Variants in ZNF114 observed in about 807,000 individuals in gnomAD.
ZNF114 encodes zinc finger protein 114 (Y18).
ZNF114 carries 8 observed loss-of-function variants against 6.8 expected under a neutral mutation model. The observed-to-expected ratio is 1.18, with a 90% CI of 0.69 to 2.13. The LOEUF is 2.13. Among genes scored for constraint, ZNF114 ranks in the 30% most tolerant of loss-of-function variants. The pLI, the probability that ZNF114 is intolerant of heterozygous loss-of-function variation, is 0.00. For missense variants in ZNF114, 472 were observed against 519.5 expected (o/e 0.91, Z 0.89); for synonymous variants, 169 against 185.5 (o/e 0.91, Z 0.72).
chr19:48,273,102 G>C (rs1038160537), intron 3 of ZNF114, among the ~76,000 whole-genome samples: 12 of 152,190 alleles, frequency 7.9e-5, no homozygotes, highest in African/African-American at 2.7e-4. Context: ...GCCAGATAAA[G>C]AGCTTTGAGG....
At chr19:48,272,921 A>G (rs1449834965) in intron 3 of ZNF114, among the ~76,000 whole-genome samples, 21 of 149,406 alleles carry the variant, frequency 1.4e-4, no homozygotes, top group African/African-American at 4.4e-4. Context: ...TCAGCCTCTC[A>G]AGTAGCTGGG....
intron 4 of ZNF114, among the ~76,000 whole-genome samples, chr19:48,281,955 G>A (rs886679903): frequency 7.2e-6 from 1 of 138,454 alleles, no homozygotes; most frequent in Non-Finnish European, 1.5e-5. Context: ...GGAGTGCAGT[G>A]GTGTGATCTC....
At chr19:48,277,296 C>T (rs1261755832) in intron 3 of ZNF114, among the ~76,000 whole-genome samples, 1 of 151,894 alleles carries the variant, frequency 6.6e-6, no homozygotes, top group African/African-American at 2.4e-5. Flanking sequence ...TGCTGTGAGC[C>T]GAGATCTCCC....
At chr19:48,282,004 C>T (rs1426240224) in intron 4 of ZNF114, among the ~76,000 whole-genome samples, 2 of 144,274 alleles carry the variant, frequency 1.4e-5, no homozygotes, top group Non-Finnish European at 3.0e-5. Flanking sequence ...TCAAGCAGTT[C>T]TCTGCCTCAG....
chr19:48,282,021 G>A (rs1968006141), intron 4 of ZNF114: 1 of 203,494 alleles, frequency 4.9e-6, no homozygotes, highest in African/African-American at 2.5e-5. Flanking sequence ...TCAGCCTCCT[G>A]AGTAGCTGGG....
chr19:48,273,762 T>C (rs1005016086), intron 3 of ZNF114, among the ~76,000 whole-genome samples: 71 of 149,244 alleles, frequency 4.8e-4, no homozygotes, highest in Admixed American at 1.1e-3. Context: ...CTTTTCTTTT[T>C]TTTTTTTTTT....
intron 4 of ZNF114, among the ~76,000 whole-genome samples, chr19:48,280,469 G>A (rs1967960297): frequency 6.6e-6 from 1 of 152,052 alleles, no homozygotes; most frequent in Non-Finnish European, 1.5e-5. Flanking sequence ...CGTTTATGGA[G>A]CGGGCAGTGG....
At chr19:48,275,458 A>ACACACACACACACACACACAC (rs1600837639) in intron 3 of ZNF114, among the ~76,000 whole-genome samples, 10 of 145,154 alleles carry the variant, frequency 6.9e-5, no homozygotes, top group African/African-American at 7.8e-5. Flanking sequence ...ACACACACAC[A>ACACACACACACACACACACAC]AAATAGCCAG....
intron 3 of ZNF114, among the ~76,000 whole-genome samples, chr19:48,277,849 A>AG (rs60382000): frequency 0.13 from 8,210 of 63,512 alleles, 501 homozygotes; most frequent in African/African-American, 0.3. Flanking sequence ...GACGATATGA[A>AG]GCCTTTTCAT....
At chr19:48,281,965 C>T (rs549246591) in intron 4 of ZNF114, among the ~76,000 whole-genome samples, 23 of 129,510 alleles carry the variant, frequency 1.8e-4, no homozygotes, top group African/African-American at 5.9e-4. Context: ...GGTGTGATCT[C>T]GGCTCACTGC....
intron 3 of ZNF114, among the ~76,000 whole-genome samples, chr19:48,273,435 T>TTTC (rs1967732470): frequency 6.6e-6 from 1 of 151,390 alleles, no homozygotes; most frequent in African/African-American, 2.4e-5. Context: ...TCTGTTTTTT[T>TTTC]TTTTTTTAAA....
intron 1 of ZNF114, among the ~76,000 whole-genome samples, chr19:48,270,800 C>G (rs1967636512): frequency 1.3e-5 from 2 of 151,754 alleles, no homozygotes; most frequent in Non-Finnish European, 2.9e-5. Context: ...AAAGAAGGGC[C>G]GGGCGCGGTG....
Position 48,287,085 on chromosome 19 carries a change from C to T in ZNF114, c.*207C>T, listed in dbSNP as rs982684043. 1 of 456,144 alleles carries T rather than the reference C, an allele frequency of 2.2e-6. No homozygotes were observed. Among genetic ancestry groups the T allele is most frequent in the African/African-American group, 2.0e-5 (1 of 49,448 alleles). 28.3% of individuals were successfully genotyped at this position (456,144 alleles called of 1,614,324 possible). ...TTCATCTTGAGTAGACATTTGTTCT[C>T]ACCCTGGAGAGAAACTGCGAATCTA... On this transcript the variant is annotated 3_prime_UTR_variant, in exon 6 of 6. Coordinates refer to ENST00000595607, the MANE Select transcript of ZNF114 (RefSeq NM_153608.4).
At chr19:48,275,761 G>A (rs1469928021) in intron 3 of ZNF114, among the ~76,000 whole-genome samples, 2 of 152,004 alleles carry the variant, frequency 1.3e-5, no homozygotes, top group Non-Finnish European at 2.9e-5. Context: ...TTGGGAGGCC[G>A]AGGCAGGCAG....
At position 48,286,247 on chromosome 19, in the gene ZNF114, A is replaced by G. The variant is rs1968125364; in HGVS notation, c.623A>G (p.His208Arg). The stretch of plus-strand genomic sequence containing the variant: ...TGGACTGGCAGTCAGAACACTGTGC[A>G]TCATATACGTGATGAAATTGATACG... ...STWTGSQNTV[H>R]HIRDEIDTGA... Residue 208 changes from histidine (H) to arginine (R), a missense_variant, in exon 6 of 6, where the codon CAT (histidine) becomes CGT (arginine). Physicochemically the swap from His to Arg is conservative, Grantham distance 29. Transcript: ENST00000595607. 1.2e-6 allele frequency: 2 copies of G among 1,614,234 alleles called. No homozygotes were observed. The highest frequency in any genetic ancestry group is 1.7e-6 in the Non-Finnish European group (2 of 1,180,044).
At chr19:48,283,129 C>T (rs1339787724) in intron 5 of ZNF114, among the ~76,000 whole-genome samples, 1 of 152,164 alleles carries the variant, frequency 6.6e-6, no homozygotes, top group Non-Finnish European at 1.5e-5. Flanking sequence ...AATTCTCCTG[C>T]CTCAGCCTCC....
chr19:48,280,965 C>T (rs1395449283), intron 4 of ZNF114, among the ~76,000 whole-genome samples: 1 of 152,114 alleles, frequency 6.6e-6, no homozygotes, highest in Non-Finnish European at 1.5e-5. Flanking sequence ...AGTCCGGTCG[C>T]GTGACTCAGG....
intron 4 of ZNF114, 120 bp downstream of exon 4, chr19:48,279,928 C>T (rs2147290154): frequency 5.5e-6 from 8 of 1,450,918 alleles, no homozygotes; most frequent in South Asian, 3.5e-5. Flanking sequence ...CCCCGCCAGC[C>T]GTGCTGCCCT....
intron 3 of ZNF114, among the ~76,000 whole-genome samples, chr19:48,278,527 G>A (rs1197289611): frequency 1.3e-5 from 2 of 152,184 alleles, no homozygotes; most frequent in Non-Finnish European, 2.9e-5. Flanking sequence ...GGGTTGTAGT[G>A]TGTGTCAGTG....
Sources: gnomAD v4.1 joint callset for allele counts (sites outside exome capture counted in the v4.1 genomes callset) on GRCh38, gnomAD v4.1.1 for gene constraint, MANE v1.5 for transcripts, NCBI Gene and HGNC (gene_info 2026-07-23, HGNC 2026-07-21) for gene names.